Variants in ALDH3A2 observed in about 807,000 individuals in gnomAD.
ALDH3A2 encodes aldehyde dehydrogenase family 3 member A2.
A neutral mutation model predicts 51.3 loss-of-function variants in ALDH3A2; 36 were observed. The ratio of observed to expected loss-of-function variants is 0.70; its 90% confidence interval spans 0.54 to 0.93. The LOEUF (loss-of-function observed/expected upper bound fraction) is 0.93, where lower values mean the gene tolerates loss of function less well. Ranked by LOEUF, ALDH3A2 falls within the 40% of genes least tolerant of loss-of-function variation. ALDH3A2 has a pLI of 0.00. For missense variants in ALDH3A2, 552 were observed against 603.1 expected, an observed-to-expected ratio of 0.92 and a Z score of 0.89; for synonymous variants, 199 against 219.8, an observed-to-expected ratio of 0.91 and a Z score of 0.84.
chr17:19,652,681 C>T, intron 3 of ALDH3A2, 49 bp downstream of exon 3: 1 of 1,450,594 alleles, frequency 6.9e-7, no homozygotes. Flanking sequence ...CTGTGGAAAA[C>T]ACACATTTTA....
chr17:19,661,358 A>G (rs1567602548), intron 6 of ALDH3A2, 90 bp downstream of exon 6: 3 of 1,422,934 alleles, frequency 2.1e-6, no homozygotes, highest in East Asian at 2.3e-5. Context: ...ACTATTAAAT[A>G]TATAGCATTT....
intron 5 of ALDH3A2, 103 bp from the exon 6 acceptor site, chr17:19,661,024 G>C (rs1022565934): frequency 8.8e-7 from 1 of 1,135,162 alleles, no homozygotes; most frequent in African/African-American, 1.5e-5. Context: ...ATTCTGTGAG[G>C]ATATAAAACC....
At chr17:19,661,067 C>T in intron 5 of ALDH3A2, 60 bp from the exon 6 acceptor site, 1 of 1,545,906 alleles carries the variant, frequency 6.5e-7, no homozygotes, top group Non-Finnish European at 8.9e-7. Context: ...GGATTTTGTA[C>T]TTACTGAAAT....
chr17:19,656,694 T>C (rs1459505017), intron 4 of ALDH3A2, 120 bp downstream of exon 4: 1 of 987,606 alleles, frequency 1.0e-6, no homozygotes, highest in African/African-American at 1.6e-5. Flanking sequence ...TATTAAGCTT[T>C]GGTGGTTGAT....
At chr17:19,674,833 A>G (rs2152334254) in intron 9 of ALDH3A2, 1 of 152,212 alleles carries the variant, frequency 6.6e-6, no homozygotes, top group East Asian at 1.9e-4. Flanking sequence ...TGAATAGTCT[A>G]TTTATTGTAA....
chr17:19,660,959 C>G (rs899315398), intron 5 of ALDH3A2, among the ~76,000 whole-genome samples, 168 bp from the exon 6 acceptor site: 2 of 152,080 alleles, frequency 1.3e-5, no homozygotes, highest in African/African-American at 4.8e-5. Context: ...TGCCAAAAAG[C>G]TGAAACTTGC....
At chr17:19,672,070 G>A (rs780590657) in intron 9 of ALDH3A2, 114 bp downstream of exon 9, 13 of 1,025,540 alleles carry the variant, frequency 1.3e-5, no homozygotes, top group Non-Finnish European at 2.0e-5. Flanking sequence ...CAGGGTCAGT[G>A]AACCACAGCC....
intron 7 of ALDH3A2, 150 bp downstream of exon 7, chr17:19,663,649 C>A: frequency 1.0e-6 from 1 of 956,748 alleles, no homozygotes; most frequent in Non-Finnish European, 1.6e-6. Context: ...AGGTTGTGTT[C>A]CGAGGTTGCT....
chr17:19,673,336 G>A, intron 9 of ALDH3A2: 1 of 1,533,534 alleles, frequency 6.5e-7, no homozygotes, highest in Non-Finnish European at 8.7e-7. Flanking sequence ...ATGTTTTCAA[G>A]GGTTTTTTGG....
intron 3 of ALDH3A2, among the ~76,000 whole-genome samples, chr17:19,653,864 C>G (rs1439266060): frequency 6.6e-6 from 1 of 152,162 alleles, no homozygotes; most frequent in Non-Finnish European, 1.5e-5. Context: ...TTACAGAGAG[C>G]TGATTGGTCC....
chr17:19,651,735 C>T lies in ALDH3A2; in HGVS notation c.342C>T (p.Pro114=), dbSNP rs1236873806. The part of the protein sequence containing the change: ...VVLIIGAWNY[P]FVLTIQPLIG... ...TGATAATCGGAGCTTGGAATTACCC[C>T]TTCGTTCTCACCATTCAGCCACTGA... The change falls in exon 2 of 10, where the codon CCC becomes CCT. Residue 114 remains proline (P), a synonymous_variant. Transcript: ENST00000176643. The T allele has an allele frequency of 8.7e-6, 14 of 1,614,082 alleles. No homozygotes were observed. Among genetic ancestry groups the T allele is most frequent in the South Asian group, 2.2e-5 (2 of 91,080 alleles).
At chr17:19,655,149 A>G (rs2084878005) in intron 3 of ALDH3A2, 1 of 152,228 alleles carries the variant, frequency 6.6e-6, no homozygotes, top group Non-Finnish European at 1.5e-5. Flanking sequence ...TGCAGTTGCT[A>G]CAGGGAGGAG....
Position 19,648,888 on chromosome 17 carries a change from G to T in ALDH3A2, c.-84G>T. 4.6e-6 allele frequency: 7 copies of T among 1,506,102 alleles called. No homozygotes were observed. Among genetic ancestry groups the T allele is most frequent in the Non-Finnish European group, 5.4e-6 (6 of 1,119,236 alleles). The allele number at this position is 1,506,102 out of a possible 1,614,324, so 93.3% of individuals were successfully genotyped here. On this transcript the variant is annotated 5_prime_UTR_variant, in exon 1 of 10. It adds an upstream start codon to the 5' untranslated region. Transcript: ENST00000176643. ...ACCCCCCGGAGGGAGGCGGAGGGAA[G>T]GGAGGCGAGGCCTGCACCTGCATGC...
rs983782126 is a variant in ALDH3A2, at chr17:19,656,189, C to T, written c.472-177C>T. 3.5e-5 allele frequency: 24 copies of T among 677,618 alleles called. 1 individual carries two copies. The Middle Eastern group carries it at 1.2e-3, about 33-fold the overall frequency. 42.0% of individuals were successfully genotyped at this position (677,618 alleles called of 1,614,324 possible). A position where few individuals can be genotyped will look rare whatever the true frequency, so the allele number is the denominator to read the frequency against. On this transcript the variant is annotated intron_variant, in intron 3 of 9. Coordinates refer to ENST00000176643, the MANE Select transcript of ALDH3A2 (RefSeq NM_000382.3). ...TGGGTTCATGCTTCCCAGATGCCATCGGACTGTGTGTTCTCCTCTTGTCCT... is the reference window on the plus strand; with the variant it reads ...TGGGTTCATGCTTCCCAGATGCCATTGGACTGTGTGTTCTCCTCTTGTCCT...
chr17:19,651,762 A>G lies in ALDH3A2; in HGVS notation c.369A>G (p.Ile123Met), dbSNP rs778440517. 6.2e-7 allele frequency: 1 copy of G among 1,614,174 alleles called. No homozygotes were observed. The highest frequency in any genetic ancestry group is 8.5e-7 in the Non-Finnish European group (1 of 1,180,016). Residue 123 changes from isoleucine (I) to methionine (M), a missense_variant, in exon 2 of 10, where the codon ATA becomes ATG. By Grantham distance (10) the Ile-to-Met change is conservative (BLOSUM62 1). Coordinates refer to ENST00000176643, the MANE Select transcript of ALDH3A2 (RefSeq NM_000382.3). Reference sequence around the variant, plus strand: ...TCGTTCTCACCATTCAGCCACTGATAGGAGCCATCGCTGCAGGTCTGGTGC... The same window carrying G: ...TCGTTCTCACCATTCAGCCACTGATGGGAGCCATCGCTGCAGGTCTGGTGC... ...YPFVLTIQPL[I>M]GAIAAGNAVI...
At chr17:19,653,613 G>T (rs897510828) in intron 3 of ALDH3A2, among the ~76,000 whole-genome samples, 5 of 152,030 alleles carry the variant, frequency 3.3e-5, no homozygotes, top group African/African-American at 1.2e-4. Flanking sequence ...CATTCCTCCC[G>T]GTGGGTTCGT....
rs112350675 is a variant in ALDH3A2, at chr17:19,675,691, T to C, written c.*119T>C. 7.6e-6 allele frequency: 9 copies of C among 1,179,330 alleles called. No homozygotes were observed. The African/African-American group carries it at 1.1e-4, about 14-fold the overall frequency. 73.1% of individuals were successfully genotyped at this position (1,179,330 alleles called of 1,614,324 possible). A position where few individuals can be genotyped will look rare whatever the true frequency, so the allele number is the denominator to read the frequency against. ...AGTAAGAAAATATGCAAACACTCTG[T>C]GATCAAACTTAAAAGTCATTGCCAT... On this transcript the variant is annotated 3_prime_UTR_variant, in exon 10 of 10. Transcript: ENST00000176643.
rs141572154 is a variant in ALDH3A2 at position 19,654,702 on chromosome 17, C to A, written c.472-1664C>A. Among the ~76,000 whole-genome samples the A allele has an allele frequency of 3.3e-3, 503 of 152,098 alleles. 1 individual carries two copies. The highest frequency in any genetic ancestry group is 0.011 in the African/African-American group (476 of 41,516). ...CGGTTCCTGCCTGCGCCTCTCCCTC[C>A]ACACCTTCCCACAAGCAGAAGGAGC... On this transcript the variant is annotated intron_variant, in intron 3 of 9. Transcript: ENST00000176643. This position sits in a 1 kb window ranked among gnomAD's most constrained non-coding sequence, Gnocchi z 4.5.
intron 1 of ALDH3A2, chr17:19,649,459 G>T: frequency 8.1e-6 from 2 of 246,544 alleles, no homozygotes; most frequent in South Asian, 9.9e-5. Flanking sequence ...ACTGTATTGT[G>T]GATACTTTCT....
Sources: allele counts gnomAD v4.1 joint callset (sites outside exome capture counted in the v4.1 genomes callset), GRCh38; gene constraint gnomAD v4.1.1; non-coding constraint Gnocchi (gnomAD v3.1); transcripts MANE v1.5; gene names NCBI Gene and HGNC (gene_info 2026-07-23, HGNC 2026-07-21).